Variants in ATP6V0A1 observed in about 807,000 individuals in gnomAD.
The protein encoded by ATP6V0A1 is ATPase H+ transporting V0 subunit a1.
Under a neutral mutation model 105.4 loss-of-function variants are expected in ATP6V0A1, and 43 were observed. That is an observed-to-expected ratio of 0.41 (90% CI 0.32 to 0.53). ATP6V0A1 has a LOEUF of 0.53. ATP6V0A1 is among the 20% of genes least tolerant of loss of function. The probability of loss-of-function intolerance (pLI) is 0.30; values close to 1 mark genes in which losing one functional copy is unlikely to be tolerated. For synonymous variants in ATP6V0A1, 362 were observed against 372.8 expected, an observed-to-expected ratio of 0.97 and a Z score of 0.33; for missense variants, 676 against 1,051.1, an observed-to-expected ratio of 0.64 and a Z score of 4.93.
intron 14 of ATP6V0A1, among the ~76,000 whole-genome samples, chr17:42,497,942 G>GA (rs199771421): frequency 0.022 from 2,439 of 109,550 alleles, 58 homozygotes; most frequent in African/African-American, 0.075. Context: ...AAAAAAAAAA[G>GA]AAAAAAAAAA....
rs557137857 is a variant in ATP6V0A1 at position 42,487,453 on chromosome 17, C to T, written c.1023+86C>T. On this transcript the variant is annotated intron_variant, in intron 10 of 21. Transcript: ENST00000343619. Reference sequence around the variant, plus strand: ...AACATTAATGTCATTTTTGGCCGGGCGCGGTGGCTCATGCCTGTAATCCCA... The same window carrying T: ...AACATTAATGTCATTTTTGGCCGGGTGCGGTGGCTCATGCCTGTAATCCCA... 45 of 1,381,682 alleles carry T rather than the reference C, an allele frequency of 3.3e-5. No homozygotes were observed. The Admixed American group carries it at 6.2e-4, about 19-fold the overall frequency. 85.6% of individuals were successfully genotyped at this position (1,381,682 alleles called of 1,614,324 possible). A position where few individuals can be genotyped will look rare whatever the true frequency, so the allele number is the denominator to read the frequency against.
chr17:42,507,543 C>G lies in ATP6V0A1; in HGVS notation c.2028C>G (p.Ile676Met). 3 of 1,613,166 alleles carry G rather than the reference C, an allele frequency of 1.9e-6. No individual in the cohort carries two copies. Among genetic ancestry groups the G allele is most frequent in the Non-Finnish European group, 1.7e-6 (2 of 1,179,500 alleles). Residue 676 changes from isoleucine to methionine, a missense_variant, in exon 18 of 22, where the codon ATC becomes ATG. Ile to Met is a conservative substitution (Grantham distance 10). Transcript: ENST00000343619. ...KHLGTLNFGG[I>M]RVGNGPTEED... ...AGGGAACTCTCAACTTTGGTGGGAT[C>G]AGGGTGGGCAACGGACCGACAGAGG... is the stretch of plus-strand genomic sequence containing the variant.
At chr17:42,464,090 A>G (rs2086753290) in intron 2 of ATP6V0A1, among the ~76,000 whole-genome samples, 1 of 152,200 alleles carries the variant, frequency 6.6e-6, no homozygotes, top group South Asian at 2.1e-4. Flanking sequence ...TCAAACCCAC[A>G]TTGTTCAAAG....
chr17:42,495,288 G>C, intron 13 of ATP6V0A1, 100 bp downstream of exon 13: 2 of 1,275,300 alleles, frequency 1.6e-6, no homozygotes, highest in Non-Finnish European at 2.2e-6. Flanking sequence ...AGGAAGTGGT[G>C]ACAGTGTCTC....
Position 42,470,206 on chromosome 17 carries a change from A to T in ATP6V0A1, c.411A>T (p.Gln137His). ...ELKFILRKTQ[Q>H]FFDEMADPDL... is the part of the protein sequence containing the mutation. ...AATTTATACTTCGCAAAACTCAGCA[A>T]TTTTTTGATGAGGTCAGACTATTGT... The change falls in exon 5 of 22, where the codon CAA becomes CAT. Residue 137 changes from glutamine to histidine, a missense_variant. Physicochemically the swap from Gln to His is conservative, Grantham distance 24. Around this residue, in one of 3 missense-constraint regions of ATP6V0A1, gnomAD observed 239 missense variants for 388.4 expected, o/e 0.62. Transcript: ENST00000343619. The T allele has an allele frequency of 1.9e-6, 3 of 1,613,150 alleles. No homozygotes were observed. The highest frequency in any genetic ancestry group is 2.5e-6 in the Non-Finnish European group (3 of 1,179,592).
rs560569306 is a variant in ATP6V0A1, at chr17:42,515,790, A to G, written c.2420+1330A>G. 7.2e-5 allele frequency among the ~76,000 whole-genome samples: 11 copies of G among 152,340 alleles called. No individual in the cohort carries two copies. The East Asian group carries it at 1.9e-3, about 27-fold the overall frequency. Reference sequence around the variant, plus strand: ...GCAACAAGAGTGAAACTCGGTCTCAAAAAATAAAAATACAGGGTGTATTTC... The same window carrying G: ...GCAACAAGAGTGAAACTCGGTCTCAGAAAATAAAAATACAGGGTGTATTTC... On this transcript the variant is annotated intron_variant, in intron 21 of 21. Transcript: ENST00000343619.
chr17:42,499,066 A>G, intron 15 of ATP6V0A1, 24 bp downstream of exon 15: 3 of 1,486,982 alleles, frequency 2.0e-6, no homozygotes, highest in Non-Finnish European at 2.8e-6. Flanking sequence ...TTTCTGTCAT[A>G]AGAATGTGCA....
At position 42,515,296 on chromosome 17, in the gene ATP6V0A1, G is replaced by A. The variant is rs572245198; in HGVS notation, c.2420+836G>A. ...AGCCTGGCCAACATGGTAAAACCCC[G>A]TCTCTACTAAATATACAAAAATTAG... is the stretch of plus-strand genomic sequence containing the variant. On this transcript the variant is annotated intron_variant, in intron 21 of 21. Transcript: ENST00000343619. Among the ~76,000 whole-genome samples the A allele has an allele frequency of 7.8e-4, 118 of 151,662 alleles. No individual in the cohort carries two copies. In the Middle Eastern group the frequency reaches 0.01, roughly 13 times the overall value.
chr17:42,470,193 G>T lies in ATP6V0A1; in HGVS notation c.398G>T (p.Arg133Leu). 4 of 1,612,836 alleles carry T rather than the reference G, an allele frequency of 2.5e-6. No individual in the cohort carries two copies. The highest frequency in any genetic ancestry group is 3.4e-6 in the Non-Finnish European group (4 of 1,179,456). Residue 133 changes from arginine to leucine, a missense_variant, in exon 5 of 22, where the codon CGC (arginine) becomes CTC (leucine). By Grantham distance (102) the Arg-to-Leu change is moderately radical. Transcript: ENST00000343619. ...LELTELKFIL[R>L]KTQQFFDEMA... is the part of the protein sequence containing the mutation. ...CTGACCGAATTAAAATTTATACTTC[G>T]CAAAACTCAGCAATTTTTTGATGAG...
chr17:42,491,411 C>T (rs1024513081), intron 11 of ATP6V0A1, among the ~76,000 whole-genome samples: 23 of 151,734 alleles, frequency 1.5e-4, no homozygotes, highest in African/African-American at 5.1e-4. Context: ...CCCAGGTTCA[C>T]GCCATTCTTC....
chr17:42,477,585 T>C, intron 5 of ATP6V0A1, 75 bp from the exon 6 acceptor site: 1 of 1,488,676 alleles, frequency 6.7e-7, no homozygotes, highest in Non-Finnish European at 9.3e-7. Flanking sequence ...GGTTCCTCGT[T>C]GCCTGCATGC....
chr17:42,487,896 C>G (rs1286339713), intron 10 of ATP6V0A1, among the ~76,000 whole-genome samples: 2 of 152,138 alleles, frequency 1.3e-5, no homozygotes, highest in African/African-American at 4.8e-5. Flanking sequence ...CATAGCATAT[C>G]TTTATTTTGC....
chr17:42,484,442 A>C (rs2089896611), intron 9 of ATP6V0A1, among the ~76,000 whole-genome samples: 1 of 152,234 alleles, frequency 6.6e-6, no homozygotes, highest in Non-Finnish European at 1.5e-5. Flanking sequence ...ATGAGTAGTC[A>C]GTTCTGCCTT....
chr17:42,513,738 A>G lies in ATP6V0A1; in HGVS notation c.2131-123A>G, dbSNP rs1010446542. 2.0e-5 allele frequency: 18 copies of G among 901,678 alleles called. 1 individual carries two copies. Among genetic ancestry groups the G allele is most frequent in the Admixed American group, 6.0e-5 (3 of 50,248 alleles). 55.9% of individuals were successfully genotyped at this position (901,678 alleles called of 1,614,324 possible). A position where few individuals can be genotyped will look rare whatever the true frequency, so the allele number is the denominator to read the frequency against. On this transcript the variant is annotated intron_variant, in intron 19 of 21. Coordinates refer to ENST00000343619, the MANE Select transcript of ATP6V0A1 (RefSeq NM_001130021.3). ...CTGGCCCCTCCAGAGTTGAGGTGCC[A>G]TCCATGGGAAGTGCAGTCCCCTGCC...
In ATP6V0A1 at chr17:42,500,913, A is replaced by G; in HGVS notation, c.1886A>G (p.Tyr629Cys). The change falls in exon 16 of 22, where the codon TAT (tyrosine) becomes TGT (cysteine). Residue 629 changes from tyrosine to cysteine, a missense_variant. By Grantham distance (194) the Tyr-to-Cys change is radical (BLOSUM62 -2). This residue lies in a region of ATP6V0A1 where 435 missense variants were observed against 642.2 expected (regional missense o/e 0.68). Coordinates refer to ENST00000343619, the MANE Select transcript of ATP6V0A1 (RefSeq NM_001130021.3). ...CCAGAGTCTGGTTATTCAATGTTGT[A>G]TTCTGGACAGGTACGTCAGCCCAGA... ...SYPESGYSMLYSGQKGIQCFL... is the reference protein window; with the variant it reads ...SYPESGYSMLCSGQKGIQCFL... 5 of 1,612,360 alleles carry G rather than the reference A, an allele frequency of 3.1e-6. No homozygotes were observed. The highest frequency in any genetic ancestry group is 4.2e-6 in the Non-Finnish European group (5 of 1,178,388).
chr17:42,518,752 G>T (rs2092723057), intron 21 of ATP6V0A1: 1 of 152,290 alleles, frequency 6.6e-6, no homozygotes, highest in South Asian at 2.1e-4. Context: ...CACAGCTGTT[G>T]AATTCTAGAG....
intron 5 of ATP6V0A1, among the ~76,000 whole-genome samples, chr17:42,476,738 T>C (rs1456536541): frequency 1.3e-5 from 2 of 152,180 alleles, no homozygotes; most frequent in African/African-American, 4.8e-5. Flanking sequence ...TAAACTGTCA[T>C]GGTGGAAGTC....
In ATP6V0A1 at chr17:42,495,270, ACTT is replaced by A. The variant is rs1332114424; in HGVS notation, c.1469+86_1469+88del. 4.1e-6 allele frequency: 6 copies of A among 1,455,444 alleles called. No homozygotes were observed. In the East Asian group the frequency reaches 1.1e-4, roughly 28 times the overall value. The allele number at this position is 1,455,444 out of a possible 1,614,324, so 90.2% of individuals were successfully genotyped here. A position where few individuals can be genotyped will look rare whatever the true frequency, so the allele number is the denominator to read the frequency against. The stretch of plus-strand genomic sequence containing the variant: ...TTTTTAAGACAAGTGGTAAACTGAC[ACTT>A]CTTTAGGAAGTGGTGACAGTGTCTC... On this transcript the variant is annotated intron_variant, in intron 13 of 21. Coordinates refer to ENST00000343619, the MANE Select transcript of ATP6V0A1 (RefSeq NM_001130021.3).
At chr17:42,474,006 A>G (rs1171788807) in intron 5 of ATP6V0A1, among the ~76,000 whole-genome samples, 2 of 137,944 alleles carry the variant, frequency 1.4e-5, no homozygotes, top group African/African-American at 5.3e-5. Flanking sequence ...TCCCTCTCCT[A>G]TTTTTTTTTT....
Sources: gnomAD v4.1 joint callset for allele counts (sites outside exome capture counted in the v4.1 genomes callset) on GRCh38, gnomAD v4.1.1 for gene constraint, gnomAD v4.1.1 regional missense constraint, MANE v1.5 for transcripts, NCBI Gene and HGNC (gene_info 2026-07-23, HGNC 2026-07-21) for gene names.